PDE3A: variants seen among roughly 807,000 people sequenced by gnomAD.
PDE3A encodes the protein cGMP-inhibited 3',5'-cyclic phosphodiesterase 3A.
Under a neutral mutation model 98.3 loss-of-function variants are expected in PDE3A, and 43 were observed. The ratio of observed to expected loss-of-function variants is 0.44; its 90% CI spans 0.34 to 0.56. PDE3A has a LOEUF of 0.56. PDE3A is among the 20% of genes least tolerant of loss of function. The pLI, the probability that PDE3A is intolerant of heterozygous loss-of-function variation, is 0.01. For synonymous variants in PDE3A, 663 were observed against 567.9 expected (o/e 1.17, Z -2.38); for missense variants, 1,427 against 1,440.7 (o/e 0.99, Z 0.15).
intron 1 of PDE3A, among the ~76,000 whole-genome samples, chr12:20,405,873 C>T (rs1210898872): frequency 1.3e-5 from 2 of 152,148 alleles, no homozygotes; most frequent in Admixed American, 6.5e-5. Context: ...TACCTTTGGA[C>T]CAACATCTCC....
At chr12:20,455,902 C>A (rs971775427) in intron 1 of PDE3A, among the ~76,000 whole-genome samples, 4 of 152,072 alleles carry the variant, frequency 2.6e-5, no homozygotes, top group African/African-American at 9.7e-5. Flanking sequence ...GGATCTGAAG[C>A]TTTCCTGCAT....
intron 1 of PDE3A, among the ~76,000 whole-genome samples, chr12:20,392,994 G>T (rs1943946674): frequency 6.6e-6 from 1 of 151,868 alleles, no homozygotes; most frequent in Admixed American, 6.6e-5. Context: ...AGGAAGGAAT[G>T]AAGACATTTG....
chr12:20,477,597 T>C (rs1390026221), intron 1 of PDE3A, among the ~76,000 whole-genome samples: 3 of 152,222 alleles, frequency 2.0e-5, no homozygotes, highest in African/African-American at 7.2e-5. Context: ...AAAATAACCT[T>C]GATTTCTGCT....
chr12:20,549,812 G>C (rs952618606), intron 1 of PDE3A, among the ~76,000 whole-genome samples: 1 of 152,058 alleles, frequency 6.6e-6, no homozygotes, highest in Admixed American at 6.5e-5. Context: ...ATAATGCTAG[G>C]AAATAACTCT....
intron 2 of PDE3A, among the ~76,000 whole-genome samples, chr12:20,589,442 T>G (rs1943271639): frequency 6.6e-6 from 1 of 152,226 alleles, no homozygotes; most frequent in African/African-American, 2.4e-5. Flanking sequence ...TTCCTAACCT[T>G]CATCTGAAAT....
chr12:20,587,416 A>T (rs1294682834), intron 2 of PDE3A, among the ~76,000 whole-genome samples: 2 of 145,170 alleles, frequency 1.4e-5, no homozygotes, highest in African/African-American at 5.1e-5. Flanking sequence ...GCTCTTCTAT[A>T]CCATGTACAA....
intron 2 of PDE3A, among the ~76,000 whole-genome samples, chr12:20,591,886 C>G (rs1256522246): frequency 6.6e-6 from 1 of 152,116 alleles, no homozygotes; most frequent in Admixed American, 6.6e-5. Flanking sequence ...GAAAGTCTAC[C>G]TGGGCAAACA....
At chr12:20,390,491 A>C (rs1432048707) in intron 1 of PDE3A, among the ~76,000 whole-genome samples, 1 of 150,222 alleles carries the variant, frequency 6.7e-6, no homozygotes, top group Non-Finnish European at 1.5e-5. Context: ...TGGGAGGATT[A>C]GCTTGTGATT....
At chr12:20,395,584 A>ATG (rs2120631667) in intron 1 of PDE3A, among the ~76,000 whole-genome samples, 1 of 147,408 alleles carries the variant, frequency 6.8e-6, no homozygotes, top group Admixed American at 6.8e-5. Context: ...AGTATTATAT[A>ATG]TGTATACTAT....
At chr12:20,393,692 G>C (rs2120621642) in intron 1 of PDE3A, among the ~76,000 whole-genome samples, 1 of 152,152 alleles carries the variant, frequency 6.6e-6, no homozygotes. Flanking sequence ...GAAGGCTTGA[G>C]ATTTGATGCA....
intron 1 of PDE3A, among the ~76,000 whole-genome samples, chr12:20,417,095 A>G (rs1415839246): frequency 2.6e-5 from 4 of 152,198 alleles, no homozygotes; most frequent in Non-Finnish European, 5.9e-5. Context: ...ACTAGAATTC[A>G]TGCTATAATG....
At chr12:20,427,708 T>C (rs1490357047) in intron 1 of PDE3A, among the ~76,000 whole-genome samples, 3 of 152,090 alleles carry the variant, frequency 2.0e-5, no homozygotes, top group African/African-American at 7.2e-5. Flanking sequence ...AATACATTTA[T>C]AATGTATGTA....
chr12:20,406,824 G>T (rs998762540), intron 1 of PDE3A, among the ~76,000 whole-genome samples: 2 of 151,992 alleles, frequency 1.3e-5, no homozygotes, highest in African/African-American at 4.8e-5. Flanking sequence ...GGAGTCTTAT[G>T]GCTTCAGGTC....
intron 2 of PDE3A, among the ~76,000 whole-genome samples, chr12:20,589,757 T>C (rs1943284725): frequency 6.6e-6 from 1 of 151,184 alleles, no homozygotes; most frequent in South Asian, 2.1e-4. Context: ...TGGCCCCAGC[T>C]ACTCGGGAGG....
At chr12:20,505,237 G>C (rs1282485636) in intron 1 of PDE3A, among the ~76,000 whole-genome samples, 1 of 152,066 alleles carries the variant, frequency 6.6e-6, no homozygotes, top group Admixed American at 6.6e-5. Flanking sequence ...GACAATGACA[G>C]GGTTCTGTGT....
At chr12:20,562,297 C>T (rs144587840) in intron 2 of PDE3A, among the ~76,000 whole-genome samples, 2,270 of 151,014 alleles carry the variant, frequency 0.015, 58 homozygotes, top group African/African-American at 0.053. Flanking sequence ...CTCAGCTCAC[C>T]GCAACCTCTG....
chr12:20,471,626 T>C (rs1945441828), intron 1 of PDE3A, among the ~76,000 whole-genome samples: 1 of 152,162 alleles, frequency 6.6e-6, no homozygotes, highest in Non-Finnish European at 1.5e-5. Flanking sequence ...TGCCTCAAGT[T>C]TTCCAGTACT....
chr12:20,462,679 T>C (rs1235235817), intron 1 of PDE3A, among the ~76,000 whole-genome samples: 1 of 152,192 alleles, frequency 6.6e-6, no homozygotes, highest in Non-Finnish European at 1.5e-5. Flanking sequence ...ATGTCTGAAG[T>C]TTTTTTATTC....
intron 5 of PDE3A, 125 bp from the exon 6 acceptor site, chr12:20,629,783 A>C (rs1944341536): frequency 1.4e-6 from 1 of 705,072 alleles, no homozygotes; most frequent in African/African-American, 1.8e-5. Flanking sequence ...GGAGGAGGCC[A>C]GCCCGGTGAC....
Sources: allele counts gnomAD v4.1 joint callset (sites outside exome capture counted in the v4.1 genomes callset), GRCh38; gene constraint gnomAD v4.1.1; transcripts MANE v1.5; gene names NCBI Gene and HGNC (gene_info 2026-07-23, HGNC 2026-07-21).